Variants in FAM114A2 observed in about 807,000 individuals in gnomAD.
FAM114A2 encodes family with sequence similarity 114 member A2.
Under a neutral mutation model 58.4 loss-of-function variants are expected in FAM114A2, and 53 were observed. That is an observed-to-expected ratio of 0.91 (90% CI 0.73 to 1.14). The LOEUF (loss-of-function observed/expected upper bound fraction) is 1.14, where lower values mean the gene tolerates loss of function less well. FAM114A2 is among the 50% of genes most tolerant of loss of function. FAM114A2 has a pLI of 0.00. For synonymous variants in FAM114A2, 228 were observed against 211.4 expected, an observed-to-expected ratio of 1.08 and a Z score of -0.68; for missense variants, 601 against 581.1, an observed-to-expected ratio of 1.03 and a Z score of -0.35.
At chr5:154,004,968 T>C (rs879415222) in intron 9 of FAM114A2, among the ~76,000 whole-genome samples, 6 of 152,184 alleles carry the variant, frequency 3.9e-5, no homozygotes, top group Non-Finnish European at 5.9e-5. Flanking sequence ...TCATCTCTTA[T>C]CATTTTCCAC....
At position 154,031,312 on chromosome 5, in the gene FAM114A2, C is replaced by CAAAAAAAAAAAAAAA. The variant is rs59757780; in HGVS notation, c.404-1747_404-1733dup. Among the ~76,000 whole-genome samples, 243 of 47,646 alleles carry CAAAAAAAAAAAAAAA rather than the reference C, an allele frequency of 5.1e-3. 39 individuals are homozygous for CAAAAAAAAAAAAAAA. Among genetic ancestry groups the CAAAAAAAAAAAAAAA allele is most frequent in the Middle Eastern group, 0.036 (2 of 56 alleles). 31.3% of individuals were successfully genotyped at this position (47,646 alleles called of 152,430 possible). A position where few individuals can be genotyped will look rare whatever the true frequency, so the allele number is the denominator to read the frequency against. On this transcript the variant is annotated intron_variant, in intron 4 of 13. Coordinates refer to ENST00000351797, the MANE Select transcript of FAM114A2 (RefSeq NM_018691.4). Reference sequence around the variant, plus strand: ...GGGCGACAGAGTGAGACTCCCTCTCCAAAAAAAAAAAAAAAAGCCTTAAAG... The same window carrying CAAAAAAAAAAAAAAA: ...GGGCGACAGAGTGAGACTCCCTCTCCAAAAAAAAAAAAAAAAAAAAAAAAAAAAAAAGCCTTAAAG...
At chr5:154,027,905 G>A (rs1420886613) in intron 6 of FAM114A2, among the ~76,000 whole-genome samples, 1 of 152,124 alleles carries the variant, frequency 6.6e-6, no homozygotes, top group African/African-American at 2.4e-5. Context: ...AAAAAACCCT[G>A]ACAGGGTTTA....
At chr5:154,014,767 T>A (rs1208515074) in intron 8 of FAM114A2, among the ~76,000 whole-genome samples, 1 of 152,096 alleles carries the variant, frequency 6.6e-6, no homozygotes, top group Non-Finnish European at 1.5e-5. Context: ...CCAGTTGAAC[T>A]TCGCAACAAT....
At chr5:153,993,257 G>T (rs1404673236) in intron 13 of FAM114A2, 147 bp from the exon 14 acceptor site, 1 of 561,796 alleles carries the variant, frequency 1.8e-6, no homozygotes, top group Non-Finnish European at 3.0e-6. Flanking sequence ...GGCCATTTTG[G>T]TAAACTCTAT....
chr5:154,011,981 G>C (rs1340101880), intron 8 of FAM114A2, among the ~76,000 whole-genome samples: 1 of 152,202 alleles, frequency 6.6e-6, no homozygotes, highest in East Asian at 1.9e-4. Flanking sequence ...TAATGAGGAA[G>C]TGAGGAACCA....
chr5:154,008,586 C>T (rs1770493604), intron 9 of FAM114A2, among the ~76,000 whole-genome samples: 2 of 152,040 alleles, frequency 1.3e-5, no homozygotes, highest in Admixed American at 1.3e-4. Flanking sequence ...AAATTATCTT[C>T]AGACTATGTG....
At chr5:154,029,730 T>C in intron 4 of FAM114A2, 150 bp from the exon 5 acceptor site, 1 of 482,436 alleles carries the variant, frequency 2.1e-6, no homozygotes, top group South Asian at 3.2e-5. Context: ...TTTGCTTATT[T>C]TAAAATGAAA....
chr5:154,035,087 G>C (rs1353202768), intron 1 of FAM114A2, 120 bp from the exon 2 acceptor site: 2 of 625,292 alleles, frequency 3.2e-6, no homozygotes, highest in Non-Finnish European at 5.5e-6. Context: ...ATAATACAGA[G>C]ATCCCATATA....
chr5:154,001,245 A>G (rs1332612748), intron 11 of FAM114A2, among the ~76,000 whole-genome samples: 1 of 152,250 alleles, frequency 6.6e-6, no homozygotes, highest in Non-Finnish European at 1.5e-5. Flanking sequence ...ACTTGGTGAT[A>G]TAAGCTAAGA....
chr5:154,035,956 T>C (rs907092479), intron 1 of FAM114A2, among the ~76,000 whole-genome samples: 1 of 152,236 alleles, frequency 6.6e-6, no homozygotes, highest in African/African-American at 2.4e-5. Context: ...TGAACATCTT[T>C]TCATGTGCCT....
At position 154,002,367 on chromosome 5, in the gene FAM114A2, C is replaced by T. The variant is rs1267976793; in HGVS notation, c.1140G>A (p.Arg380=). The stretch of plus-strand genomic sequence containing the variant: ...AGCAGGCAGTCAGTTCAGCCAGGCT[C>T]CGGATTGCAAACGCATGGATATCCT... ...SIEDIHAFAI[R]SLAELTACSI... Residue 380 remains arginine, a synonymous_variant, in exon 11 of 14, where the codon CGG becomes CGA. Transcript: ENST00000351797. 17 of 1,613,636 alleles carry T rather than the reference C, an allele frequency of 1.1e-5. No individual in the cohort carries two copies. The African/African-American group carries it at 2.1e-4, about 20-fold the overall frequency.
chr5:154,020,529 T>C (rs956593965), intron 8 of FAM114A2, among the ~76,000 whole-genome samples: 54 of 152,006 alleles, frequency 3.6e-4, no homozygotes, highest in African/African-American at 1.2e-3. Flanking sequence ...TCTACACAAA[T>C]AAACTAGAAA....
In FAM114A2 at chr5:153,991,332, G is replaced by C. The variant is rs1391122462; in HGVS notation, c.*1644C>G. 6.6e-6 allele frequency: 1 copy of C among 152,180 alleles called. No individual in the cohort carries two copies. Among genetic ancestry groups the C allele is most frequent in the Non-Finnish European group, 1.5e-5 (1 of 68,032 alleles). The allele number at this position is 152,180 out of a possible 1,614,324, so 9.4% of individuals were successfully genotyped here. A position where few individuals can be genotyped will look rare whatever the true frequency, so the allele number is the denominator to read the frequency against. On this transcript the variant is annotated 3_prime_UTR_variant, in exon 14 of 14. Transcript: ENST00000351797. ...GTACAAGAGGCTGAACAGACAGTAG[G>C]CAGAGTGACCAGTTTCTAAACTTTG...
intron 4 of FAM114A2, among the ~76,000 whole-genome samples, chr5:154,030,281 A>T (rs1048205520): frequency 6.6e-6 from 1 of 152,216 alleles, no homozygotes; most frequent in Non-Finnish European, 1.5e-5. Flanking sequence ...GTATGTTTCA[A>T]AACAAAAATC....
intron 8 of FAM114A2, among the ~76,000 whole-genome samples, chr5:154,019,007 G>A (rs1771227194): frequency 6.6e-6 from 1 of 152,096 alleles, no homozygotes; most frequent in African/African-American, 2.4e-5. Flanking sequence ...ACAAGACAAG[G>A]ATGCCCACTC....
At position 154,029,552 on chromosome 5, in the gene FAM114A2, G is replaced by T; in HGVS notation, c.432C>A (p.Asn144Lys). ...CAAATGCCCCAGCCACTGGGGAGGA[G>T]TTTTCATTCTCTTTGGCATTTGTCT... Reference protein sequence around the residue: ...AGETNAKENENSSPVAGAFGV... With the variant: ...AGETNAKENEKSSPVAGAFGV... The change falls in exon 5 of 14, where the codon AAC becomes AAA. Residue 144 changes from asparagine (N) to lysine (K), a missense_variant. By Grantham distance (94) the Asn-to-Lys change is moderately conservative (BLOSUM62 0). Coordinates refer to ENST00000351797, the MANE Select transcript of FAM114A2 (RefSeq NM_018691.4). 6.2e-7 allele frequency: 1 copy of T among 1,609,216 alleles called. No homozygotes were observed. The highest frequency in any genetic ancestry group is 2.2e-5 in the East Asian group (1 of 44,782).
At chr5:154,018,601 C>A (rs1771203235) in intron 8 of FAM114A2, among the ~76,000 whole-genome samples, 1 of 151,924 alleles carries the variant, frequency 6.6e-6, no homozygotes, top group East Asian at 1.9e-4. Context: ...AAGAACATAA[C>A]CAAAAAAGAA....
At chr5:154,003,171 T>C (rs1052702238) in intron 9 of FAM114A2, among the ~76,000 whole-genome samples, 3 of 151,046 alleles carry the variant, frequency 2.0e-5, no homozygotes, top group Non-Finnish European at 4.4e-5. Flanking sequence ...AATTCTCTAA[T>C]TGGTAGTATT....
chr5:153,993,383 T>TGC (rs1359871085), intron 13 of FAM114A2, among the ~76,000 whole-genome samples: 1 of 152,242 alleles, frequency 6.6e-6, no homozygotes, highest in East Asian at 1.9e-4. Flanking sequence ...TGGTCAGACT[T>TGC]GGCATTCAAA....
Sources: gnomAD v4.1 joint callset for allele counts (sites outside exome capture counted in the v4.1 genomes callset) on GRCh38, gnomAD v4.1.1 for gene constraint, MANE v1.5 for transcripts, NCBI Gene and HGNC (gene_info 2026-07-23, HGNC 2026-07-21) for gene names.